C1orf116: variants seen among roughly 807,000 people sequenced by gnomAD.
C1orf116 encodes chromosome 1 open reading frame 116, also known as specifically androgen-regulated gene protein.
In C1orf116, 12 loss-of-function variants were observed where a neutral mutation model predicts 14.1. The ratio of observed to expected loss-of-function variants is 0.85; its 90% CI spans 0.54 to 1.38. C1orf116 has a LOEUF of 1.38. C1orf116 is among the 40% of genes most tolerant of loss of function. The pLI is 0.00. For missense variants in C1orf116, 797 were observed against 747.0 expected (o/e 1.07, Z -0.78); for synonymous variants, 296 against 299.0 (o/e 0.99, Z 0.10).
rs926144145 is a variant in C1orf116, at chr1:207,021,393, T to A, written c.*565A>T. 2.0e-5 allele frequency: 3 copies of A among 152,538 alleles called. No homozygotes were observed. Among genetic ancestry groups the A allele is most frequent in the Non-Finnish European group, 4.4e-5 (3 of 68,048 alleles). The allele number at this position is 152,538 out of a possible 1,614,324, so 9.4% of individuals were successfully genotyped here. ...ACTGAGAGGGCAGTGGGTGAAGAGA[T>A]AACGAATCAGCTCCTCTTAGCCCAG... On this transcript the variant is annotated 3_prime_UTR_variant, in exon 4 of 4. Transcript: ENST00000359470.
At chr1:207,023,701 G>A (rs1311728620) in intron 3 of C1orf116, among the ~76,000 whole-genome samples, 1 of 152,206 alleles carries the variant, frequency 6.6e-6, no homozygotes, top group Non-Finnish European at 1.5e-5. Flanking sequence ...CCAGGGCCAG[G>A]CGCAGTGTCT....
At chr1:207,032,472 T>C (rs1682276808) in intron 1 of C1orf116, 107 bp downstream of exon 1, 1 of 733,894 alleles carries the variant, frequency 1.4e-6, no homozygotes, top group Non-Finnish European at 1.7e-6. Flanking sequence ...GAAATCTCCC[T>C]AGCTGGGGTA....
Position 207,024,934 on chromosome 1 carries a change from G to A in C1orf116, c.236C>T (p.Thr79Ile). ...LSTDESEPAT[T>I]PRGFRALPIT... The stretch of plus-strand genomic sequence containing the variant: ...GGGCAGTGCTCGGAAACCTCTGGGA[G>A]TTGTGGCTGGCTCAGACTCGTCAGT... The change falls in exon 3 of 4, where the codon ACT becomes ATT. Residue 79 changes from threonine (T) to isoleucine (I), a missense_variant. By Grantham distance (89) the Thr-to-Ile change is moderately conservative. Coordinates refer to ENST00000359470, the MANE Select transcript of C1orf116 (RefSeq NM_023938.6). 3 of 1,614,158 alleles carry A rather than the reference G, an allele frequency of 1.9e-6. No homozygotes were observed. Among genetic ancestry groups the A allele is most frequent in the South Asian group, 1.1e-5 (1 of 91,084 alleles).
chr1:207,032,507 T>C (rs551499344), intron 1 of C1orf116, 72 bp downstream of exon 1: 6 of 949,272 alleles, frequency 6.3e-6, no homozygotes, highest in Admixed American at 1.2e-4. Flanking sequence ...CCCTCCCCTG[T>C]AGCTCTGATT....
At chr1:207,027,907 A>T (rs1163252497) in intron 1 of C1orf116, among the ~76,000 whole-genome samples, 1 of 152,240 alleles carries the variant, frequency 6.6e-6, no homozygotes, top group Non-Finnish European at 1.5e-5. Context: ...GTCAGAAAGA[A>T]GCTTCTACTA....
chr1:207,030,988 C>T lies in C1orf116; in HGVS notation c.-82+1591G>A, dbSNP rs185000293. Among the ~76,000 whole-genome samples the T allele has an allele frequency of 4.5e-4, 69 of 152,264 alleles. 1 individual carries two copies. Among genetic ancestry groups the T allele is most frequent in the Non-Finnish European group, 6.0e-4 (41 of 68,026 alleles). Reference sequence around the variant, plus strand: ...TGGTGGGGTGGGGAGAGGGCTCCAGCTCCATTCCAGGTTGGCTTGTCTGTA... The same window carrying T: ...TGGTGGGGTGGGGAGAGGGCTCCAGTTCCATTCCAGGTTGGCTTGTCTGTA... On this transcript the variant is annotated intron_variant, in intron 1 of 3. Coordinates refer to ENST00000359470, the MANE Select transcript of C1orf116 (RefSeq NM_023938.6).
chr1:207,023,275 C>A lies in C1orf116; in HGVS notation c.489G>T (p.Arg163Ser). 6.2e-7 allele frequency: 1 copy of A among 1,614,002 alleles called. No homozygotes were observed. Among genetic ancestry groups the A allele is most frequent in the Non-Finnish European group, 8.5e-7 (1 of 1,179,888 alleles). Residue 163 changes from arginine (R) to serine (S), a missense_variant, in exon 4 of 4, where the codon AGG (arginine) becomes AGT (serine). Arg to Ser is a moderately radical substitution (Grantham distance 110). Coordinates refer to ENST00000359470, the MANE Select transcript of C1orf116 (RefSeq NM_023938.6). ...ASSHNPGEPGRLAPEPEKEQV... is the reference protein window; with the variant it reads ...ASSHNPGEPGSLAPEPEKEQV... The stretch of plus-strand genomic sequence containing the variant: ...GTTCTTTCTCAGGCTCTGGCGCAAG[C>A]CTCCCCGGTTCTCCAGGGTTGTGAC...
At position 207,022,907 on chromosome 1, in the gene C1orf116, G is replaced by T; in HGVS notation, c.857C>A (p.Pro286Gln). The T allele has an allele frequency of 6.2e-7, 1 of 1,614,054 alleles. No individual in the cohort carries two copies. Among genetic ancestry groups the T allele is most frequent in the Non-Finnish European group, 8.5e-7 (1 of 1,179,962 alleles). Residue 286 changes from proline (P) to glutamine (Q), a missense_variant, in exon 4 of 4, where the codon CCA (proline) becomes CAA (glutamine). Coordinates refer to ENST00000359470, the MANE Select transcript of C1orf116 (RefSeq NM_023938.6). ...EDAPLSSGEDPNSRLAPLTTP... is the reference protein window; with the variant it reads ...EDAPLSSGEDQNSRLAPLTTP... ...TGTGAGGGGAGCTAGTCGGCTGTTT[G>T]GGTCCTCCCCTGATGAGAGGGGAGC... is the stretch of plus-strand genomic sequence containing the variant.
Position 207,019,410 on chromosome 1 carries a change from CA to C in C1orf116, c.*2547del, listed in dbSNP as rs1226701927. ...GAGCTGTCGCTTTGATTTTGAAAAT[CA>C]AATGAATGGCCTTTACAAACTTCCA... is the stretch of plus-strand genomic sequence containing the variant. On this transcript the variant is annotated 3_prime_UTR_variant, in exon 4 of 4. Coordinates refer to ENST00000359470, the MANE Select transcript of C1orf116 (RefSeq NM_023938.6). The C allele has an allele frequency of 2.0e-5, 3 of 152,106 alleles. No homozygotes were observed. Among genetic ancestry groups the C allele is most frequent in the Non-Finnish European group, 2.9e-5 (2 of 68,018 alleles). 9.4% of individuals were successfully genotyped at this position (152,106 alleles called of 1,614,324 possible).
chr1:207,027,438 G>A (rs2102303242), intron 2 of C1orf116, 56 bp downstream of exon 2: 16 of 1,603,708 alleles, frequency 1.0e-5, no homozygotes, highest in East Asian at 4.5e-5. Flanking sequence ...GGCAGGGCAG[G>A]GCAGGGCAGG....
intron 1 of C1orf116, 138 bp downstream of exon 1, chr1:207,032,441 A>G: frequency 1.9e-6 from 1 of 513,964 alleles, no homozygotes. Context: ...GAATGGACTC[A>G]GAGAATTGAG....
rs1681745189 is a variant in C1orf116 at position 207,019,001 on chromosome 1, A to G, written c.*2957T>C. The G allele has an allele frequency of 1.3e-5, 2 of 152,340 alleles. No individual in the cohort carries two copies. The highest frequency in any genetic ancestry group is 1.5e-5 in the Non-Finnish European group (1 of 68,128). 9.4% of individuals were successfully genotyped at this position (152,340 alleles called of 1,614,324 possible). A position where few individuals can be genotyped will look rare whatever the true frequency, so the allele number is the denominator to read the frequency against. ...AGCTCGAACTCAGAACATTGACAGGAACCTGCTCTTCAATCTTTCACCTCC... is the reference window on the plus strand; with the variant it reads ...AGCTCGAACTCAGAACATTGACAGGGACCTGCTCTTCAATCTTTCACCTCC... On this transcript the variant is annotated 3_prime_UTR_variant, in exon 4 of 4. Transcript: ENST00000359470.
rs934687724 is a variant in C1orf116 at position 207,023,988 on chromosome 1, A to G, written c.284-508T>C. 5.3e-5 allele frequency among the ~76,000 whole-genome samples: 8 copies of G among 152,242 alleles called. No individual in the cohort carries two copies. In the East Asian group the frequency reaches 1.5e-3, roughly 29 times the overall value. The stretch of plus-strand genomic sequence containing the variant: ...TCCTTCTAGCTATTTTGGGCCTCCC[A>G]GATAACTGAGCCCAATGCAAGCCTC... On this transcript the variant is annotated intron_variant, in intron 3 of 3. Coordinates refer to ENST00000359470, the MANE Select transcript of C1orf116 (RefSeq NM_023938.6).
chr1:207,024,871 A>C lies in C1orf116; in HGVS notation c.283+16T>G. 6.2e-7 allele frequency: 1 copy of C among 1,603,442 alleles called. No individual in the cohort carries two copies. Among genetic ancestry groups the C allele is most frequent in the East Asian group, 2.2e-5 (1 of 44,492 alleles). ...CTGGGTTTTGCTGGGGTTCCACCCC[A>C]GAGGGTCTGCCTTACCCCGGGGAGT... is the stretch of plus-strand genomic sequence containing the variant. On this transcript the variant is annotated intron_variant, in intron 3 of 3. Transcript: ENST00000359470.
Position 207,029,002 on chromosome 1 carries a change from A to C in C1orf116, c.-81-1323T>G, listed in dbSNP as rs147640827. Among the ~76,000 whole-genome samples the C allele has an allele frequency of 7.9e-5, 12 of 152,304 alleles. No individual in the cohort carries two copies. In the East Asian group the frequency reaches 2.1e-3, roughly 27 times the overall value. ...AAAACGTGATCTATTTGAGATCTGG[A>C]GGCTTGGGCTTTGGATGCCAGGGCA... On this transcript the variant is annotated intron_variant, in intron 1 of 3. Coordinates refer to ENST00000359470, the MANE Select transcript of C1orf116 (RefSeq NM_023938.6).
Position 207,022,214 on chromosome 1 carries a change from T to C in C1orf116, c.1550A>G (p.Lys517Arg). The change falls in exon 4 of 4, where the codon AAG becomes AGG. Residue 517 changes from lysine to arginine, a missense_variant. Transcript: ENST00000359470. ...TSLGKGSFLD[K>R]ISPSVLRNSR... ...ATTACGTAAGACACTGGGCGAGATC[T>C]TGTCCAAGAAGGAGCCCTTTCCCAG... 1 of 1,614,076 alleles carries C rather than the reference T, an allele frequency of 6.2e-7. No homozygotes were observed. The highest frequency in any genetic ancestry group is 8.5e-7 in the Non-Finnish European group (1 of 1,180,010).
At chr1:207,027,362 G>T in intron 2 of C1orf116, 132 bp downstream of exon 2, 3 of 1,179,972 alleles carry the variant, frequency 2.5e-6, no homozygotes, top group Non-Finnish European at 3.6e-6. Flanking sequence ...CACTGGTGTT[G>T]TGAATCACTC....
intron 1 of C1orf116, 145 bp from the exon 2 acceptor site, chr1:207,027,824 C>T: frequency 1.1e-6 from 1 of 937,598 alleles, no homozygotes; most frequent in Non-Finnish European, 1.5e-6. Flanking sequence ...CACCCCCGGC[C>T]TGCATGGAAG....
chr1:207,023,714 T>C (rs147002375), intron 3 of C1orf116, among the ~76,000 whole-genome samples: 2 of 152,366 alleles, frequency 1.3e-5, no homozygotes, highest in East Asian at 3.9e-4. Flanking sequence ...CAGTGTCTCA[T>C]GCCTGTAATC....
Sources: gnomAD v4.1 joint callset for allele counts (sites outside exome capture counted in the v4.1 genomes callset) on GRCh38, gnomAD v4.1.1 for gene constraint, MANE v1.5 for transcripts, NCBI Gene and HGNC (gene_info 2026-07-23, HGNC 2026-07-21) for gene names.